Variants in MARCHF1 observed in about 807,000 individuals in gnomAD.
MARCHF1 encodes membrane associated ring-CH-type finger 1.
In MARCHF1, 40 loss-of-function variants were observed where a neutral mutation model predicts 54.2. The ratio of observed to expected loss-of-function variants is 0.74; its 90% CI spans 0.57 to 0.96. The LOEUF (loss-of-function observed/expected upper bound fraction) is 0.96. MARCHF1 is among the 40% of genes least tolerant of loss of function. The pLI is 0.00. For missense variants in MARCHF1, 586 were observed against 656.5 expected (o/e 0.89, Z 1.17); for synonymous variants, 236 against 236.3 (o/e 1.00, Z 0.01).
At chr4:164,155,638 T>C (rs895423057) in intron 1 of MARCHF1, among the ~76,000 whole-genome samples, 4 of 152,070 alleles carry the variant, frequency 2.6e-5, no homozygotes, top group Admixed American at 6.5e-5. Context: ...AATGTATACA[T>C]TGACATAGAG....
intron 3 of MARCHF1, among the ~76,000 whole-genome samples, chr4:163,944,435 T>G (rs574900388): frequency 6.6e-6 from 1 of 152,260 alleles, no homozygotes; most frequent in African/African-American, 2.4e-5. Flanking sequence ...CCACAACCAG[T>G]GACCAAGTGA....
intron 1 of MARCHF1, among the ~76,000 whole-genome samples, chr4:164,122,055 A>G (rs544278747): frequency 2.0e-5 from 3 of 152,264 alleles, no homozygotes; most frequent in Admixed American, 6.5e-5. Flanking sequence ...AAATCAATCA[A>G]TGTGATACAC....
At chr4:163,625,986 A>G (rs146703222) in intron 5 of MARCHF1, among the ~76,000 whole-genome samples, 2 of 152,274 alleles carry the variant, frequency 1.3e-5, no homozygotes, top group Non-Finnish European at 2.9e-5. Flanking sequence ...TCATCCCTTT[A>G]TTAGGTGTAA....
At chr4:164,176,958 CTCTCTCTCTCTCTCTCTCT>C (rs2110996470) in intron 1 of MARCHF1, among the ~76,000 whole-genome samples, 1 of 40,400 alleles carries the variant, frequency 2.5e-5, no homozygotes, top group Non-Finnish European at 4.5e-5. Context: ...CTCTCTCTCT[CTCTCTCTCTCTCTCTCTCT>C]CTCTATATAT....
At chr4:163,924,667 T>C (rs1392828608) in intron 3 of MARCHF1, among the ~76,000 whole-genome samples, 1 of 151,864 alleles carries the variant, frequency 6.6e-6, no homozygotes, top group Middle Eastern at 3.2e-3. Context: ...TGGGTGTAAA[T>C]ACTGCAGATG....
chr4:163,799,415 AAAGTT>A (rs1748015684), intron 4 of MARCHF1, among the ~76,000 whole-genome samples: 1 of 152,182 alleles, frequency 6.6e-6, no homozygotes, highest in East Asian at 1.9e-4. Flanking sequence ...TACTATTTAA[AAAGTT>A]AATATAATGT....
At chr4:163,793,090 C>A (rs1747813909) in intron 4 of MARCHF1, among the ~76,000 whole-genome samples, 1 of 152,046 alleles carries the variant, frequency 6.6e-6, no homozygotes, top group South Asian at 2.1e-4. Context: ...AGTTTCTCTC[C>A]CTATCTATAC....
intron 3 of MARCHF1, among the ~76,000 whole-genome samples, chr4:163,889,779 C>T (rs1750613590): frequency 6.6e-6 from 1 of 151,810 alleles, no homozygotes; most frequent in South Asian, 2.1e-4. Context: ...CTGTCACACC[C>T]TCTTAATCCA....
chr4:164,169,621 ATG>A (rs1208966845), intron 1 of MARCHF1, among the ~76,000 whole-genome samples: 2 of 152,140 alleles, frequency 1.3e-5, no homozygotes, highest in Non-Finnish European at 2.9e-5. Flanking sequence ...AGAGAAATAT[ATG>A]TTTTTTAAAG....
At chr4:164,311,832 A>T (rs1378914888) in intron 1 of MARCHF1, among the ~76,000 whole-genome samples, 1 of 152,240 alleles carries the variant, frequency 6.6e-6, no homozygotes, top group Admixed American at 6.5e-5. Context: ...AATAATAAAG[A>T]TACTAATCTT....
intron 3 of MARCHF1, among the ~76,000 whole-genome samples, chr4:163,943,143 A>G (rs769493072): frequency 1.3e-5 from 2 of 151,990 alleles, no homozygotes; most frequent in African/African-American, 2.4e-5. Flanking sequence ...TCTGTAGTTT[A>G]TATGTTTACT....
chr4:163,708,060 C>G (rs1745001443), intron 4 of MARCHF1, among the ~76,000 whole-genome samples: 1 of 151,676 alleles, frequency 6.6e-6, no homozygotes, highest in South Asian at 2.1e-4. Context: ...TTGCATCATC[C>G]TAGAAATGCT....
rs529088464 is a variant in MARCHF1, at chr4:163,806,036, T to C, written c.111+47985A>G. Among the ~76,000 whole-genome samples the C allele has an allele frequency of 1.3e-4, 20 of 152,302 alleles. No homozygotes were observed. In the South Asian group the frequency reaches 4.1e-3, roughly 32 times the overall value. On this transcript the variant is annotated intron_variant, in intron 4 of 9. Transcript: ENST00000514618. ...GATCTGCCTGTTCTTCAGAGGATGG[T>C]TGGATTTTCTGTTAGTTCATGCACT...
chr4:163,630,448 GGGT>G (rs1468384509), intron 5 of MARCHF1, among the ~76,000 whole-genome samples: 2 of 152,128 alleles, frequency 1.3e-5, no homozygotes, highest in African/African-American at 2.4e-5. Context: ...AGATTTCACA[GGGT>G]TCCAGAGAAT....
chr4:163,983,686 A>T (rs1752805499), intron 3 of MARCHF1, among the ~76,000 whole-genome samples: 1 of 152,184 alleles, frequency 6.6e-6, no homozygotes, highest in African/African-American at 2.4e-5. Context: ...ATTCACCACT[A>T]ACTAGTTGTG....
chr4:163,583,280 A>T (rs941578377), intron 8 of MARCHF1, among the ~76,000 whole-genome samples: 4 of 152,236 alleles, frequency 2.6e-5, no homozygotes, highest in Non-Finnish European at 5.9e-5. Flanking sequence ...TTTTTCAAAC[A>T]AATTCACATG....
At chr4:163,847,800 C>A (rs555822020) in intron 4 of MARCHF1, among the ~76,000 whole-genome samples, 1 of 152,100 alleles carries the variant, frequency 6.6e-6, no homozygotes, top group East Asian at 1.9e-4. Flanking sequence ...AGGCTAGTCT[C>A]GAACTCCAGG....
chr4:163,794,471 A>G (rs1161779150), intron 4 of MARCHF1, among the ~76,000 whole-genome samples: 2 of 152,240 alleles, frequency 1.3e-5, no homozygotes, highest in African/African-American at 4.8e-5. Flanking sequence ...ACACAAACTT[A>G]TTATGTAATA....
chr4:163,690,469 G>A lies in MARCHF1; in HGVS notation c.162+10344C>T, dbSNP rs542461225. Among the ~76,000 whole-genome samples the A allele has an allele frequency of 3.9e-5, 6 of 152,272 alleles. No individual in the cohort carries two copies. The East Asian group carries it at 1.2e-3, about 29-fold the overall frequency. The stretch of plus-strand genomic sequence containing the variant: ...AAGGTAGAGTTGAAAGAAGTCCTTA[G>A]AAACCATGAAGCCAAATGTTGTTGT... On this transcript the variant is annotated intron_variant, in intron 5 of 9. Coordinates refer to ENST00000514618, the MANE Select transcript of MARCHF1 (RefSeq NM_001394959.1).
Sources: allele counts gnomAD v4.1 joint callset (sites outside exome capture counted in the v4.1 genomes callset), GRCh38; gene constraint gnomAD v4.1.1; transcripts MANE v1.5; gene names NCBI Gene and HGNC (gene_info 2026-07-23, HGNC 2026-07-21).